The following RNF144A variants were observed in gnomAD, a reference collection of about 807,000 sequenced individuals.
RNF144A encodes E3 ubiquitin-protein ligase RNF144A.
RNF144A carries 11 observed loss-of-function variants against 38.7 expected under a neutral mutation model. The observed-to-expected ratio is 0.28, with a 90% CI of 0.18 to 0.47. The LOEUF (loss-of-function observed/expected upper bound fraction) is 0.47. Among genes scored for constraint, RNF144A ranks in the 20% least tolerant of loss-of-function variants. The pLI is 0.99. For synonymous variants in RNF144A, 149 were observed against 143.9 expected, an observed-to-expected ratio of 1.04 and a Z score of -0.25; for missense variants, 316 against 377.2, an observed-to-expected ratio of 0.84 and a Z score of 1.34.
chr2:6,963,847 G>A (rs1372219150), intron 2 of RNF144A, among the ~76,000 whole-genome samples: 4 of 152,144 alleles, frequency 2.6e-5, no homozygotes, highest in Admixed American at 2.6e-4. Context: ...CTAGAAGCAG[G>A]CGTGGGACAC....
intron 2 of RNF144A, among the ~76,000 whole-genome samples, chr2:6,963,744 G>A (rs890790576): frequency 2.0e-4 from 30 of 152,220 alleles, no homozygotes; most frequent in South Asian, 2.1e-4. Context: ...CAGGGTTTCC[G>A]AGTCATGTGT....
At position 7,039,630 on chromosome 2, in the gene RNF144A, T is replaced by C; in HGVS notation, c.749T>C (p.Val250Ala). 1 of 1,613,970 alleles carries C rather than the reference T, an allele frequency of 6.2e-7. No homozygotes were observed. Among genetic ancestry groups the C allele is most frequent in the Non-Finnish European group, 8.5e-7 (1 of 1,179,932 alleles). ...RASVIWHRTQVVGIFAGFGLL... is the reference protein window; with the variant it reads ...RASVIWHRTQAVGIFAGFGLL... ...TACCCCTTTGTTTCTTTCTTCCAGGTTGTGGGCATTTTTGCAGGATTTGGG... is the reference window on the plus strand; with the variant it reads ...TACCCCTTTGTTTCTTTCTTCCAGGCTGTGGGCATTTTTGCAGGATTTGGG... Residue 250 changes from valine (V) to alanine (A), a missense_variant and splice_region_variant, in exon 9 of 9, where the codon GTT becomes GCT. Val to Ala is a moderately conservative substitution (Grantham distance 64, BLOSUM62 0). Transcript: ENST00000320892.
chr2:7,043,763 A>G lies in RNF144A; in HGVS notation c.*4003A>G. The G allele has an allele frequency of 1.0e-6, 1 of 985,872 alleles. No individual in the cohort carries two copies. The highest frequency in any genetic ancestry group is 1.2e-6 in the Non-Finnish European group (1 of 829,938). The allele number at this position is 985,872 out of a possible 1,614,324, so 61.1% of individuals were successfully genotyped here. A position where few individuals can be genotyped will look rare whatever the true frequency, so the allele number is the denominator to read the frequency against. On this transcript the variant is annotated 3_prime_UTR_variant, in exon 9 of 9. Transcript: ENST00000320892. ...TTTGATTTGTGCAATTCTGTCTTCC[A>G]CAGTTCCGGAGCCTTCAGTGAGGGG...
rs189853211 is a variant in RNF144A, at chr2:6,968,545, G to A, written c.-12+27398G>A. On this transcript the variant is annotated intron_variant, in intron 2 of 8. Coordinates refer to ENST00000320892, the MANE Select transcript of RNF144A (RefSeq NM_014746.6). Reference sequence around the variant, plus strand: ...GGCTGCAGCAGTCCTGGGGGCCTATGCCTGCTGGCCCATCGCCTGGTCTTG... The same window carrying A: ...GGCTGCAGCAGTCCTGGGGGCCTATACCTGCTGGCCCATCGCCTGGTCTTG... Among the ~76,000 whole-genome samples the A allele has an allele frequency of 7.2e-4, 109 of 152,348 alleles. 2 individuals are homozygous for A. Among genetic ancestry groups the A allele is most frequent in the Middle Eastern group, 3.4e-3 (1 of 294 alleles).
At chr2:6,976,190 T>C (rs1309196195) in intron 2 of RNF144A, among the ~76,000 whole-genome samples, 1 of 152,224 alleles carries the variant, frequency 6.6e-6, no homozygotes, top group Non-Finnish European at 1.5e-5. Context: ...ATTTTCCCCA[T>C]TTCATGTGTT....
chr2:7,072,201 T>C (rs1356659086), downstream of RNF144A, among the ~76,000 whole-genome samples: 1 of 152,218 alleles, frequency 6.6e-6, no homozygotes, highest in Non-Finnish European at 1.5e-5. Flanking sequence ...CAGATTGCCT[T>C]GAGCAGAGTG....
At chr2:7,021,941 A>G (rs1314635940) in intron 6 of RNF144A, among the ~76,000 whole-genome samples, 1 of 152,274 alleles carries the variant, frequency 6.6e-6, no homozygotes, top group African/African-American at 2.4e-5. Flanking sequence ...TATTGTCCAA[A>G]GATGATCTAA....
chr2:6,959,057 G>A (rs1307034690), intron 2 of RNF144A, among the ~76,000 whole-genome samples: 2 of 152,180 alleles, frequency 1.3e-5, no homozygotes, highest in South Asian at 2.1e-4. Context: ...TGCTCCTGGC[G>A]AAGCACCTCA....
chr2:6,940,590 A>G (rs761182285), intron 1 of RNF144A, among the ~76,000 whole-genome samples: 31 of 151,850 alleles, frequency 2.0e-4, no homozygotes, highest in Middle Eastern at 6.8e-3. Flanking sequence ...TATTTTTCTC[A>G]TGATTGCCCT....
chr2:6,925,120 T>G (rs1572191964), intron 1 of RNF144A, among the ~76,000 whole-genome samples: 2 of 152,244 alleles, frequency 1.3e-5, no homozygotes, highest in African/African-American at 2.4e-5. Flanking sequence ...CAGGAGACTT[T>G]CTGAGTTGGC....
chr2:6,918,359 C>T (rs1489875757), intron 1 of RNF144A: 1 of 152,646 alleles, frequency 6.6e-6, no homozygotes, highest in Non-Finnish European at 1.5e-5. Flanking sequence ...TTATGCCATC[C>T]TGGAGGCTTC....
chr2:6,957,162 C>T (rs115341583), intron 2 of RNF144A, among the ~76,000 whole-genome samples: 1,683 of 152,250 alleles, frequency 0.011, 37 homozygotes, highest in African/African-American at 0.038. Context: ...GGAAGCTCTT[C>T]GTGAGAGCCC....
intron 6 of RNF144A, among the ~76,000 whole-genome samples, chr2:7,060,019 A>G (rs1420748055): frequency 3.9e-5 from 6 of 152,238 alleles, no homozygotes. Context: ...AAAATAGCAC[A>G]TTCAAATTAA....
Position 7,043,183 on chromosome 2 carries a change from G to T in RNF144A, c.*3423G>T. ...CCACCCGGCCTATTTTCTTAAAGGG[G>T]AACAAATGATCTTGACAACATATTA... is the stretch of plus-strand genomic sequence containing the variant. On this transcript the variant is annotated 3_prime_UTR_variant, in exon 9 of 9. Coordinates refer to ENST00000320892, the MANE Select transcript of RNF144A (RefSeq NM_014746.6). 1 of 985,360 alleles carries T rather than the reference G, an allele frequency of 1.0e-6. No homozygotes were observed. The highest frequency in any genetic ancestry group is 1.2e-6 in the Non-Finnish European group (1 of 829,932). The allele number at this position is 985,360 out of a possible 1,614,324, so 61.0% of individuals were successfully genotyped here. A position where few individuals can be genotyped will look rare whatever the true frequency, so the allele number is the denominator to read the frequency against.
downstream of RNF144A, chr2:7,068,396 G>A (rs1674320240): frequency 4.1e-6 from 2 of 490,404 alleles, no homozygotes. Context: ...TGGCTTTTGG[G>A]CATTATAGAA....
intron 1 of RNF144A, among the ~76,000 whole-genome samples, chr2:6,922,013 A>G (rs998575168): frequency 2.0e-5 from 3 of 152,180 alleles, no homozygotes; most frequent in African/African-American, 7.2e-5. Context: ...AGCCGCTTTC[A>G]TTACTGGCAT....
intron 6 of RNF144A, among the ~76,000 whole-genome samples, chr2:7,059,926 T>C (rs1673887668): frequency 6.6e-6 from 1 of 152,220 alleles, no homozygotes; most frequent in Admixed American, 6.5e-5. Context: ...AAAATAAAGT[T>C]ATGTTGTTGT....
chr2:6,934,740 T>C (rs1448972880), intron 1 of RNF144A, among the ~76,000 whole-genome samples: 1 of 152,220 alleles, frequency 6.6e-6, no homozygotes, highest in African/African-American at 2.4e-5. Flanking sequence ...CTTAGAAGTA[T>C]TTAAAGATAT....
Position 7,043,511 on chromosome 2 carries a change from T to C in RNF144A, c.*3751T>C. 1 of 985,716 alleles carries C rather than the reference T, an allele frequency of 1.0e-6. No homozygotes were observed. Among genetic ancestry groups the C allele is most frequent in the Non-Finnish European group, 1.2e-6 (1 of 829,814 alleles). The allele number at this position is 985,716 out of a possible 1,614,324, so 61.1% of individuals were successfully genotyped here. ...GATCATCAAGGGAAAACATTTTGCA[T>C]GTGTAAAGCTTCATGAAGTTCTCTT... On this transcript the variant is annotated 3_prime_UTR_variant, in exon 9 of 9. Coordinates refer to ENST00000320892, the MANE Select transcript of RNF144A (RefSeq NM_014746.6).
Sources: allele counts gnomAD v4.1 joint callset (sites outside exome capture counted in the v4.1 genomes callset), GRCh38; gene constraint gnomAD v4.1.1; transcripts MANE v1.5; gene names NCBI Gene and HGNC (gene_info 2026-07-23, HGNC 2026-07-21).